ISY1: variants seen among roughly 807,000 people sequenced by gnomAD.
ISY1 encodes ISY1 spliceosome associated protein.
A neutral mutation model predicts 54.4 loss-of-function variants in ISY1; 12 were observed. That is an observed-to-expected ratio of 0.22 (90% CI 0.14 to 0.36). ISY1 has a LOEUF of 0.36. Ranked by LOEUF, ISY1 falls within the 10% of genes least tolerant of loss-of-function variation. The pLI is 1.00. For synonymous variants in ISY1, 96 were observed against 117.9 expected (o/e 0.81, Z 1.20); for missense variants, 282 against 342.2 (o/e 0.82, Z 1.39).
chr3:129,153,757 G>C (rs1433201244), intron 5 of ISY1, among the ~76,000 whole-genome samples: 1 of 152,148 alleles, frequency 6.6e-6, no homozygotes, highest in Non-Finnish European at 1.5e-5. Context: ...CTGCACTCCA[G>C]TGTGGGCAAC....
At position 129,156,879 on chromosome 3, in the gene ISY1, A is replaced by C. The variant is rs1337426058; in HGVS notation, c.120T>G (p.Pro40=). The change falls in exon 4 of 11, where the codon CCT becomes CCG. Residue 40 remains proline (P), a synonymous_variant. Coordinates refer to ENST00000393295, the MANE Select transcript of ISY1 (RefSeq NM_020701.4). ...CCTGTCGTCTCCACTTCTCAGCTTT[A>C]GGCAGTTCAGTACATTCTGAGGCCA... ...PFLASECTEL[P]KAEKWRRQII... is the part of the protein sequence containing the mutation. 6.2e-7 allele frequency: 1 copy of C among 1,613,964 alleles called. No individual in the cohort carries two copies. The highest frequency in any genetic ancestry group is 8.5e-7 in the Non-Finnish European group (1 of 1,179,992).
Position 129,156,924 on chromosome 3 carries a change from A to C in ISY1, c.79-4T>G. On this transcript the variant is annotated splice_polypyrimidine_tract_variant and splice_region_variant and intron_variant, in intron 3 of 10. Coordinates refer to ENST00000393295, the MANE Select transcript of ISY1 (RefSeq NM_020701.4). ...AGGCCAGAAAGGGTCTTCGTTCCTA[A>C]GGAGAAAAAAATAACACATTTCCAT... 6.2e-7 allele frequency: 1 copy of C among 1,613,720 alleles called. No homozygotes were observed. The highest frequency in any genetic ancestry group is 8.5e-7 in the Non-Finnish European group (1 of 1,179,868).
chr3:129,160,710 T>A (rs901047547), intron 1 of ISY1, among the ~76,000 whole-genome samples: 12 of 152,210 alleles, frequency 7.9e-5, no homozygotes, highest in African/African-American at 2.9e-4. Context: ...CTTCTCTGTG[T>A]CTTAATTTCC....
At chr3:129,157,026 C>A in intron 3 of ISY1, 106 bp from the exon 4 acceptor site, 1 of 1,270,932 alleles carries the variant, frequency 7.9e-7, no homozygotes, top group Admixed American at 2.4e-5. Context: ...GGCCTAAAAA[C>A]ATTTGAAGTT....
chr3:129,150,483 G>A (rs939613830), intron 5 of ISY1, among the ~76,000 whole-genome samples: 3 of 152,014 alleles, frequency 2.0e-5, no homozygotes, highest in Non-Finnish European at 4.4e-5. Context: ...AGGCCAAGGC[G>A]GGTGGATCAC....
intron 1 of ISY1, among the ~76,000 whole-genome samples, chr3:129,160,366 T>C (rs1275259961): frequency 1.3e-5 from 2 of 152,010 alleles, no homozygotes; most frequent in East Asian, 1.9e-4. Context: ...TTCTTAAATT[T>C]ACACGTCGTA....
At position 129,159,174 on chromosome 3, in the gene ISY1, G is replaced by A. The variant is rs1193475263; in HGVS notation, c.6C>T (p.Ala2=). 6.3e-7 allele frequency: 1 copy of A among 1,599,730 alleles called. No individual in the cohort carries two copies. The highest frequency in any genetic ancestry group is 8.5e-7 in the Non-Finnish European group (1 of 1,176,958). Residue 2 remains alanine, a splice_region_variant and synonymous_variant, in exon 2 of 11, where the codon GCC becomes GCT. Coordinates refer to ENST00000393295, the MANE Select transcript of ISY1 (RefSeq NM_020701.4). Reference sequence around the variant, plus strand: ...CTTACATGGCCTTTTCTGCATTTCGGGCCTGGAAAGAGAGAAAAGAGAAGA... The same window carrying A: ...CTTACATGGCCTTTTCTGCATTTCGAGCCTGGAAAGAGAGAAAAGAGAAGA... The part of the protein sequence containing the change: M[A]RNAEKAMTAL...
intron 7 of ISY1, among the ~76,000 whole-genome samples, chr3:129,135,916 C>T (rs1385406345): frequency 6.6e-6 from 1 of 152,044 alleles, no homozygotes; most frequent in Non-Finnish European, 1.5e-5. Context: ...TATCCTGCAG[C>T]CCCTGTAATG....
Position 129,134,926 on chromosome 3 carries a change from A to G in ISY1, c.447T>C (p.Ala149=). 1 of 1,610,400 alleles carries G rather than the reference A, an allele frequency of 6.2e-7. No homozygotes were observed. The highest frequency in any genetic ancestry group is 1.1e-5 in the South Asian group (1 of 90,864). Reference sequence around the variant, plus strand: ...CAAAATCGATTGCCTTCATGAGCTCAGCACGTGTCTTTCTGGGAGGAGGAA... The same window carrying G: ...CAAAATCGATTGCCTTCATGAGCTCGGCACGTGTCTTTCTGGGAGGAGGAA... The part of the protein sequence containing the change: ...EPLPPPRKTR[A]ELMKAIDFEY... The change falls in exon 8 of 11, where the codon GCT becomes GCC. Residue 149 remains alanine, a synonymous_variant. Coordinates refer to ENST00000393295, the MANE Select transcript of ISY1 (RefSeq NM_020701.4).
chr3:129,157,832 A>AGCGTCAGC, intron 3 of ISY1, among the ~76,000 whole-genome samples: 1 of 152,142 alleles, frequency 6.6e-6, no homozygotes, highest in East Asian at 1.9e-4. Context: ...ATTGGAATTC[A>AGCGTCAGC]AGTGTACAGA....
chr3:129,160,566 A>C (rs1937276915), intron 1 of ISY1, among the ~76,000 whole-genome samples: 1 of 152,142 alleles, frequency 6.6e-6, no homozygotes, highest in African/African-American at 2.4e-5. Context: ...TATATTATGG[A>C]GCAGACTGAG....
chr3:129,149,116 A>G lies in ISY1; in HGVS notation c.188-3243T>C, dbSNP rs1488539705. ...AGCCTGGGCAACATAACAAGAGCCC[A>G]TCTTTACCAAAAACTTAAAAATTAG... is the stretch of plus-strand genomic sequence containing the variant. On this transcript the variant is annotated intron_variant, in intron 5 of 10. Coordinates refer to ENST00000393295, the MANE Select transcript of ISY1 (RefSeq NM_020701.4). Among the ~76,000 whole-genome samples, 11 of 152,138 alleles carry G rather than the reference A, an allele frequency of 7.2e-5. 1 individual carries two copies. The South Asian group carries it at 2.3e-3, about 32-fold the overall frequency.
At chr3:129,132,455 G>A (rs1186950308) in intron 9 of ISY1, among the ~76,000 whole-genome samples, 4 of 152,152 alleles carry the variant, frequency 2.6e-5, no homozygotes, top group African/African-American at 9.7e-5. Context: ...AGCACACTGG[G>A]CTGTCCTTTG....
At chr3:129,160,841 G>A (rs972176569) in intron 1 of ISY1, 132 bp downstream of exon 1, 2 of 1,175,244 alleles carry the variant, frequency 1.7e-6, no homozygotes, top group Non-Finnish European at 2.4e-6. Flanking sequence ...GAATCCCCTC[G>A]TTACACCAAG....
chr3:129,146,801 T>A (rs544486227), intron 5 of ISY1, among the ~76,000 whole-genome samples: 1 of 152,338 alleles, frequency 6.6e-6, no homozygotes, highest in East Asian at 1.9e-4. Context: ...CTCACGCCTG[T>A]AATCCCAGCA....
rs191757095 is a variant in ISY1, at chr3:129,158,390, C to T, written c.78+118G>A. 2.2e-4 allele frequency: 310 copies of T among 1,410,814 alleles called. 1 individual carries two copies. In the African/African-American group the frequency reaches 4.0e-3, roughly 18 times the overall value. The allele number at this position is 1,410,814 out of a possible 1,614,324, so 87.4% of individuals were successfully genotyped here. A position where few individuals can be genotyped will look rare whatever the true frequency, so the allele number is the denominator to read the frequency against. On this transcript the variant is annotated intron_variant, in intron 3 of 10. Transcript: ENST00000393295. ...CCCAGACTGGTCTCAAACTCCTAGA[C>T]TCAAGTGATCCACCCACCTCAGCCT...
At chr3:129,145,729 A>G in intron 6 of ISY1, 32 bp downstream of exon 6, 1 of 1,606,300 alleles carries the variant, frequency 6.2e-7, no homozygotes, top group Non-Finnish European at 8.5e-7. Context: ...AAAACTAGAC[A>G]AGACCCGCCA....
At position 129,156,928 on chromosome 3, in the gene ISY1, G is replaced by GA; in HGVS notation, c.79-9dup. 6.2e-7 allele frequency: 1 copy of GA among 1,612,938 alleles called. No homozygotes were observed. Among genetic ancestry groups the GA allele is most frequent in the East Asian group, 2.2e-5 (1 of 44,816 alleles). On this transcript the variant is annotated splice_polypyrimidine_tract_variant and intron_variant, in intron 3 of 10. Coordinates refer to ENST00000393295, the MANE Select transcript of ISY1 (RefSeq NM_020701.4). ...CAGAAAGGGTCTTCGTTCCTAAGGA[G>GA]AAAAAAATAACACATTTCCATTATA...
chr3:129,139,041 T>C (rs1027678174), intron 7 of ISY1, among the ~76,000 whole-genome samples: 1 of 151,706 alleles, frequency 6.6e-6, no homozygotes, highest in African/African-American at 2.4e-5. Flanking sequence ...TTCAAGTGAT[T>C]CTCCTGCCTC....
Sources: gnomAD v4.1 joint callset for allele counts (sites outside exome capture counted in the v4.1 genomes callset) on GRCh38, gnomAD v4.1.1 for gene constraint, MANE v1.5 for transcripts, NCBI Gene and HGNC (gene_info 2026-07-23, HGNC 2026-07-21) for gene names.